Variants in CHST11 observed in about 807,000 individuals in gnomAD.
CHST11 encodes the protein carbohydrate sulfotransferase 11, also known as C4S-1.
A neutral mutation model predicts 30.4 loss-of-function variants in CHST11; 9 were observed. The observed-to-expected ratio is 0.30, with a 90% CI of 0.18 to 0.52. CHST11 has a LOEUF of 0.52. Ranked by LOEUF, CHST11 falls within the 20% of genes least tolerant of loss-of-function variation. CHST11 has a pLI of 0.97. For missense variants in CHST11, 348 were observed against 460.6 expected (o/e 0.76, Z 2.24); for synonymous variants, 152 against 187.8 (o/e 0.81, Z 1.56).
At chr12:104,744,437 T>C (rs950599847) in intron 2 of CHST11, among the ~76,000 whole-genome samples, 1 of 152,230 alleles carries the variant, frequency 6.6e-6, no homozygotes, top group Non-Finnish European at 1.5e-5. Context: ...CTCTGCCCAC[T>C]TTTTTATGGG....
intron 1 of CHST11, among the ~76,000 whole-genome samples, chr12:104,499,370 C>T (rs1206511199): frequency 6.6e-6 from 1 of 150,908 alleles, no homozygotes; most frequent in South Asian, 2.1e-4. Flanking sequence ...TGGTCCCCTG[C>T]CTTCATGGAG....
rs1232136682 is a variant in CHST11 at position 104,475,689 on chromosome 12, T to TATATATATATATATATAA, written c.118+18162_118+18163insATATATATATATATAAAT. On this transcript the variant is annotated intron_variant, in intron 1 of 2. Transcript: ENST00000303694. ...ATATATATATATATATATATATATA[T>TATATATATATATATATAA]ATTTCTGATTATGAAATTAATTCAA... Among the ~76,000 whole-genome samples, 44 of 77,554 alleles carry TATATATATATATATATAA rather than the reference T, an allele frequency of 5.7e-4. 2 individuals carry two copies. The highest frequency in any genetic ancestry group is 1.5e-3 in the African/African-American group (42 of 27,898). The allele number at this position is 77,554 out of a possible 152,430, so 50.9% of individuals were successfully genotyped here.
At chr12:104,623,658 C>T (rs534316133) in intron 2 of CHST11, among the ~76,000 whole-genome samples, 3 of 151,868 alleles carry the variant, frequency 2.0e-5, no homozygotes, top group South Asian at 4.2e-4. Context: ...TGCGGTGAGC[C>T]GAGATCGCGC....
At chr12:104,582,026 C>G (rs1318974249) in intron 1 of CHST11, among the ~76,000 whole-genome samples, 1 of 152,156 alleles carries the variant, frequency 6.6e-6, no homozygotes, top group African/African-American at 2.4e-5. Flanking sequence ...TCATTATCGT[C>G]AGCATCATCA....
chr12:104,726,893 G>A (rs1020542124), intron 2 of CHST11, among the ~76,000 whole-genome samples: 5 of 152,156 alleles, frequency 3.3e-5, no homozygotes, highest in African/African-American at 9.7e-5. Context: ...GCCCTGAAAG[G>A]TAGGATGTAG....
Position 104,618,286 on chromosome 12 carries a change from C to T in CHST11, c.204+16295C>T, listed in dbSNP as rs376273322. ...TTGCCCAGGCTGGAGTGCAGTGGCG[C>T]GATCATGGCTCACTGCAGGTTTGGC... On this transcript the variant is annotated intron_variant, in intron 2 of 2. Coordinates refer to ENST00000303694, the MANE Select transcript of CHST11 (RefSeq NM_018413.6). 4.4e-4 allele frequency among the ~76,000 whole-genome samples: 65 copies of T among 148,550 alleles called. No individual in the cohort carries two copies. In the East Asian group the frequency reaches 9.5e-3, roughly 22 times the overall value.
chr12:104,602,299 G>A (rs2136047380), intron 2 of CHST11: 5 of 433,546 alleles, frequency 1.2e-5, no homozygotes, highest in South Asian at 4.0e-5. Context: ...AAGGTCCACC[G>A]AAGCTGTGCA....
chr12:104,735,265 A>T (rs774562640), intron 2 of CHST11, among the ~76,000 whole-genome samples: 2 of 152,200 alleles, frequency 1.3e-5, no homozygotes, highest in African/African-American at 4.8e-5. Flanking sequence ...AAATGGAAAT[A>T]TAATACGTCT....
chr12:104,478,808 A>G (rs1206462744), intron 1 of CHST11, among the ~76,000 whole-genome samples: 3 of 152,088 alleles, frequency 2.0e-5, no homozygotes, highest in Admixed American at 6.5e-5. Context: ...GTGGCAGGCA[A>G]TTTCAAGAGC....
chr12:104,539,507 T>C (rs2038267963), intron 1 of CHST11, among the ~76,000 whole-genome samples: 1 of 152,188 alleles, frequency 6.6e-6, no homozygotes, highest in South Asian at 2.1e-4. Flanking sequence ...TAGGGATTGT[T>C]TCCTGAAAGT....
intron 2 of CHST11, among the ~76,000 whole-genome samples, chr12:104,658,092 C>T (rs564694714): frequency 3.0e-4 from 46 of 152,242 alleles, no homozygotes; most frequent in African/African-American, 6.7e-4. Flanking sequence ...TGGACTGGGG[C>T]GGGGGCTGGC....
intron 2 of CHST11, among the ~76,000 whole-genome samples, chr12:104,645,917 C>G (rs2136078479): frequency 6.6e-6 from 1 of 152,348 alleles, no homozygotes; most frequent in African/African-American, 2.4e-5. Context: ...CTCTGCCTGT[C>G]ATGATCAAGC....
chr12:104,747,301 G>A (rs934858059), intron 2 of CHST11, among the ~76,000 whole-genome samples: 17 of 152,152 alleles, frequency 1.1e-4, no homozygotes, highest in African/African-American at 3.4e-4. Context: ...CCCCAGACCC[G>A]GTTCCTAGCT....
At chr12:104,510,662 A>G (rs1307537821) in intron 1 of CHST11, among the ~76,000 whole-genome samples, 1 of 152,222 alleles carries the variant, frequency 6.6e-6, no homozygotes, top group African/African-American at 2.4e-5. Flanking sequence ...TGTCTTTCAT[A>G]ATCAATACAA....
chr12:104,581,483 G>T (rs1489428537), intron 1 of CHST11, among the ~76,000 whole-genome samples: 2 of 152,156 alleles, frequency 1.3e-5, no homozygotes, highest in Admixed American at 1.3e-4. Context: ...TAGTTTTTCA[G>T]ACTTTGAGAA....
At chr12:104,679,422 C>T (rs371723479) in intron 2 of CHST11, among the ~76,000 whole-genome samples, 4 of 152,240 alleles carry the variant, frequency 2.6e-5, no homozygotes, top group Non-Finnish European at 2.9e-5. Context: ...CCGGAGCCTC[C>T]GCGTCCTGCT....
chr12:104,633,785 T>C (rs2039296465), intron 2 of CHST11, among the ~76,000 whole-genome samples: 2 of 152,148 alleles, frequency 1.3e-5, no homozygotes, highest in South Asian at 2.1e-4. Flanking sequence ...CCCTGGAACA[T>C]GGCTCTGTGT....
chr12:104,600,806 G>A lies in CHST11; in HGVS notation c.119-1100G>A, dbSNP rs1213104943. ...CCTCAAACCATAAGAAAACTGCCTC[G>A]TACTTGAGAAGAAAGCCCCATTTAT... On this transcript the variant is annotated intron_variant, in intron 1 of 2. Transcript: ENST00000303694. The surrounding 1 kb of genome is among the most constrained non-coding windows in gnomAD (Gnocchi z 4.1). 2.0e-5 allele frequency among the ~76,000 whole-genome samples: 3 copies of A among 152,068 alleles called. No individual in the cohort carries two copies. The highest frequency in any genetic ancestry group is 4.4e-5 in the Non-Finnish European group (3 of 68,002).
intron 1 of CHST11, among the ~76,000 whole-genome samples, chr12:104,520,622 T>C (rs902126095): frequency 1.3e-5 from 2 of 152,188 alleles, no homozygotes; most frequent in Admixed American, 1.3e-4. Context: ...TGTTCACTCA[T>C]AGGATCTTCT....
Sources: allele counts gnomAD v4.1 joint callset (sites outside exome capture counted in the v4.1 genomes callset), GRCh38; gene constraint gnomAD v4.1.1; non-coding constraint Gnocchi (gnomAD v3.1); transcripts MANE v1.5; gene names NCBI Gene and HGNC (gene_info 2026-07-23, HGNC 2026-07-21).